Variants in WDR70 observed in about 807,000 individuals in gnomAD.
The protein encoded by WDR70 is WD repeat-containing protein 70.
A neutral mutation model predicts 88.6 loss-of-function variants in WDR70; 53 were observed. The observed-to-expected ratio is 0.60, with a 90% CI of 0.48 to 0.75. The LOEUF (loss-of-function observed/expected upper bound fraction) is 0.75, where lower values mean the gene tolerates loss of function less well. WDR70 is among the 30% of genes least tolerant of loss of function. The pLI is 0.00. For missense variants in WDR70, 610 were observed against 823.2 expected (o/e 0.74, Z 3.17); for synonymous variants, 280 against 270.0 (o/e 1.04, Z -0.36).
chr5:37,651,433 A>G (rs1745407497), intron 10 of WDR70, among the ~76,000 whole-genome samples: 1 of 152,164 alleles, frequency 6.6e-6, no homozygotes, highest in South Asian at 2.1e-4. Flanking sequence ...GTACATGTGC[A>G]TGTGTCTTTA....
At chr5:37,516,662 A>G in intron 9 of WDR70, 72 bp downstream of exon 9, 1 of 968,390 alleles carries the variant, frequency 1.0e-6, no homozygotes, top group Admixed American at 1.9e-5. Flanking sequence ...GGATTGTTAC[A>G]ATCTTGGCAG....
rs536521501 is a variant in WDR70, at chr5:37,627,775, G to A, written c.1092+22537G>A. ...TTATGTCTAGTTTTATTTCATTGTG[G>A]CAAGATAAGATGCGTCATATCTTGA... On this transcript the variant is annotated intron_variant, in intron 10 of 17. Coordinates refer to ENST00000265107, the MANE Select transcript of WDR70 (RefSeq NM_018034.4). Among the ~76,000 whole-genome samples the A allele has an allele frequency of 9.9e-5, 15 of 152,214 alleles. No homozygotes were observed. The East Asian group carries it at 2.9e-3, about 29-fold the overall frequency.
At chr5:37,725,679 A>AT (rs747382566) in intron 16 of WDR70, among the ~76,000 whole-genome samples, 22 of 151,814 alleles carry the variant, frequency 1.4e-4, no homozygotes, top group Admixed American at 5.9e-4. Context: ...TATTTTTTTC[A>AT]TTTTTTTCTA....
intron 7 of WDR70, among the ~76,000 whole-genome samples, chr5:37,456,679 G>T (rs1349474246): frequency 6.6e-6 from 1 of 152,008 alleles, no homozygotes; most frequent in Non-Finnish European, 1.5e-5. Context: ...ATTTTTATAT[G>T]ACATAACAAA....
chr5:37,711,987 C>CTTTTTTTTTTTTTT (rs70978842), intron 13 of WDR70, among the ~76,000 whole-genome samples: 2 of 104,022 alleles, frequency 1.9e-5, no homozygotes, highest in East Asian at 2.7e-4. Context: ...TATATTTTTT[C>CTTTTTTTTTTTTTT]TTTTTTTTTT....
chr5:37,414,478 C>A (rs1729667487), intron 5 of WDR70, among the ~76,000 whole-genome samples: 2 of 152,194 alleles, frequency 1.3e-5, no homozygotes, highest in Non-Finnish European at 2.9e-5. Context: ...ATAGGTCCCC[C>A]CTGCTCCCCA....
intron 9 of WDR70, among the ~76,000 whole-genome samples, chr5:37,569,414 C>T (rs1351186061): frequency 6.6e-6 from 1 of 152,092 alleles, no homozygotes. Context: ...TTGTTTGCTA[C>T]CCTCAAGTGT....
chr5:37,718,777 C>A lies in WDR70; in HGVS notation c.1417-2338C>A, dbSNP rs1443367993. ...GGTGAACTGTAGCTTTTAATTCATT[C>A]CTTTGGTGAACATTTTTTGAGCACC... On this transcript the variant is annotated intron_variant, in intron 13 of 17. Coordinates refer to ENST00000265107, the MANE Select transcript of WDR70 (RefSeq NM_018034.4). Among the ~76,000 whole-genome samples the A allele has an allele frequency of 2.0e-5, 3 of 152,122 alleles. No homozygotes were observed. The East Asian group carries it at 5.8e-4, about 29-fold the overall frequency.
chr5:37,472,899 T>G (rs1465826161), intron 7 of WDR70, among the ~76,000 whole-genome samples: 1 of 152,032 alleles, frequency 6.6e-6, no homozygotes, highest in Admixed American at 6.6e-5. Flanking sequence ...TGAACATACC[T>G]AAGAATAGAA....
At chr5:37,562,131 G>A (rs1241237180) in intron 9 of WDR70, among the ~76,000 whole-genome samples, 2 of 152,210 alleles carry the variant, frequency 1.3e-5, no homozygotes, top group Non-Finnish European at 2.9e-5. Context: ...GCCAAGGCAG[G>A]TGGATCACTT....
intron 5 of WDR70, among the ~76,000 whole-genome samples, chr5:37,398,213 T>C (rs113851246): frequency 0.12 from 18,149 of 150,714 alleles, 3,589 homozygotes; most frequent in African/African-American, 0.41. Context: ...CTCAGCCTCC[T>C]GAGTAGCTGA....
chr5:37,686,861 T>A (rs1746619625), intron 10 of WDR70, among the ~76,000 whole-genome samples: 1 of 150,926 alleles, frequency 6.6e-6, no homozygotes, highest in South Asian at 2.1e-4. Flanking sequence ...ATTCTCCAAA[T>A]CATAGTGTAA....
intron 13 of WDR70, among the ~76,000 whole-genome samples, chr5:37,703,294 C>T (rs1037430645): frequency 1.3e-5 from 2 of 152,138 alleles, no homozygotes; most frequent in African/African-American, 4.8e-5. Context: ...TCCTATGGAC[C>T]TACACTTTAG....
intron 7 of WDR70, among the ~76,000 whole-genome samples, chr5:37,455,811 TAC>T (rs1388587053): frequency 6.6e-6 from 1 of 152,122 alleles, no homozygotes; most frequent in Non-Finnish European, 1.5e-5. Context: ...GAGAAATGCA[TAC>T]AGTCATAGTC....
At chr5:37,400,501 T>C (rs898616334) in intron 5 of WDR70, among the ~76,000 whole-genome samples, 17 of 152,160 alleles carry the variant, frequency 1.1e-4, no homozygotes, top group African/African-American at 4.1e-4. Context: ...AGTGTCTTTA[T>C]AAAAAGAGTC....
chr5:37,613,799 T>C (rs773727155), intron 10 of WDR70, among the ~76,000 whole-genome samples: 2 of 152,202 alleles, frequency 1.3e-5, no homozygotes, highest in Non-Finnish European at 2.9e-5. Flanking sequence ...GCTGTCATTA[T>C]TGTTTTACTG....
intron 10 of WDR70, among the ~76,000 whole-genome samples, chr5:37,650,964 AT>A (rs56209225): frequency 2.3e-3 from 344 of 146,632 alleles, no homozygotes; most frequent in East Asian, 9.8e-3. Flanking sequence ...AATGGGCTTC[AT>A]TTTTTTTTTT....
At chr5:37,609,359 A>G (rs1402480586) in intron 10 of WDR70, among the ~76,000 whole-genome samples, 2 of 152,218 alleles carry the variant, frequency 1.3e-5, no homozygotes, top group African/African-American at 4.8e-5. Flanking sequence ...TTCATATCAA[A>G]ACACCTATCA....
At chr5:37,415,876 C>T (rs1444045871) in intron 5 of WDR70, among the ~76,000 whole-genome samples, 5 of 143,446 alleles carry the variant, frequency 3.5e-5, no homozygotes, top group African/African-American at 8.0e-5. Context: ...CCAGACGGGG[C>T]GGCGGGGCAG....
Sources: gnomAD v4.1 joint callset for allele counts (sites outside exome capture counted in the v4.1 genomes callset) on GRCh38, gnomAD v4.1.1 for gene constraint, MANE v1.5 for transcripts, NCBI Gene and HGNC (gene_info 2026-07-23, HGNC 2026-07-21) for gene names.